MLKL: variants seen among roughly 807,000 people sequenced by gnomAD.
The protein encoded by MLKL is mixed lineage kinase domain-like protein.
MLKL carries 55 observed loss-of-function variants against 56.5 expected under a neutral mutation model. The ratio of observed to expected loss-of-function variants is 0.97; its 90% CI spans 0.78 to 1.22. The LOEUF is 1.22. MLKL is among the 50% of genes most tolerant of loss of function. The probability of loss-of-function intolerance (pLI) is 0.00; values close to 1 mark genes in which losing one functional copy is unlikely to be tolerated. For missense variants in MLKL, 694 were observed against 573.9 expected (o/e 1.21, Z -2.14); for synonymous variants, 251 against 208.3 (o/e 1.20, Z -1.76).
At chr16:74,681,200 A>G (rs1778745214) in intron 6 of MLKL, among the ~76,000 whole-genome samples, 2 of 151,766 alleles carry the variant, frequency 1.3e-5, no homozygotes, top group Non-Finnish European at 2.9e-5. Flanking sequence ...TAATTTCTGT[A>G]TTTTTAGTAA....
chr16:74,688,731 A>T (rs536983777), intron 4 of MLKL, among the ~76,000 whole-genome samples: 16 of 152,154 alleles, frequency 1.1e-4, no homozygotes, highest in African/African-American at 3.9e-4. Context: ...CAAAACAAAA[A>T]ACCCCCAAAA....
At chr16:74,690,854 G>A (rs1261194111) in intron 4 of MLKL, among the ~76,000 whole-genome samples, 1 of 148,654 alleles carries the variant, frequency 6.7e-6, no homozygotes, top group East Asian at 2.0e-4. Flanking sequence ...CAGAAATTAA[G>A]GAGTCCAGAT....
chr16:74,675,806 G>C, intron 7 of MLKL, 42 bp from the exon 8 acceptor site: 1 of 1,602,782 alleles, frequency 6.2e-7, no homozygotes, highest in Non-Finnish European at 8.5e-7. Flanking sequence ...GCAAGATCTT[G>C]GGTAGAGGAG....
intron 5 of MLKL, among the ~76,000 whole-genome samples, chr16:74,684,269 A>T (rs985638264): frequency 6.6e-6 from 1 of 151,652 alleles, no homozygotes; most frequent in African/African-American, 2.4e-5. Context: ...TTAGATTGGG[A>T]TTCCACACTC....
chr16:74,672,428 A>G lies in MLKL; in HGVS notation c.*76T>C. 7.3e-7 allele frequency: 1 copy of G among 1,366,666 alleles called. No homozygotes were observed. Among genetic ancestry groups the G allele is most frequent in the Non-Finnish European group, 1.0e-6 (1 of 959,010 alleles). 84.7% of individuals were successfully genotyped at this position (1,366,666 alleles called of 1,614,324 possible). On this transcript the variant is annotated 3_prime_UTR_variant, in exon 11 of 11. Transcript: ENST00000308807. Reference sequence around the variant, plus strand: ...CATAGATAACCCAATGCCGAAGGATATGAGAGAGAGAGATGTCCAGTTTGT... The same window carrying G: ...CATAGATAACCCAATGCCGAAGGATGTGAGAGAGAGAGATGTCCAGTTTGT...
chr16:74,678,785 A>G (rs968542672), intron 7 of MLKL, 114 bp downstream of exon 7: 9 of 730,584 alleles, frequency 1.2e-5, no homozygotes, highest in Non-Finnish European at 1.8e-5. Flanking sequence ...CTGTCTCTAA[A>G]TAAATAAATA....
chr16:74,674,937 C>T (rs1165593963), intron 10 of MLKL, 23 bp downstream of exon 10: 3 of 1,609,192 alleles, frequency 1.9e-6, no homozygotes, highest in Non-Finnish European at 1.7e-6. Flanking sequence ...GGCTCACGCT[C>T]TTTACACCAG....
rs140736873 is a variant in MLKL at position 74,672,766 on chromosome 16, T to A, written c.1382-228A>T. ...AGGAGGGGGTAAACTCACATCTTAG[T>A]ATGAATTACTCTCTGGTGTTAGATT... On this transcript the variant is annotated intron_variant, in intron 10 of 10. Transcript: ENST00000308807. Among the ~76,000 whole-genome samples the A allele has an allele frequency of 2.0e-5, 3 of 152,266 alleles. No homozygotes were observed. In the East Asian group the frequency reaches 5.8e-4, roughly 29 times the overall value.
intron 2 of MLKL, among the ~76,000 whole-genome samples, 168 bp from the exon 3 acceptor site, chr16:74,692,584 A>G (rs1960741126): frequency 6.6e-6 from 1 of 152,258 alleles, no homozygotes; most frequent in Non-Finnish European, 1.5e-5. Flanking sequence ...TTCTGAGCAC[A>G]TAGGAAATGC....
At chr16:74,682,179 C>T (rs1326505728) in intron 6 of MLKL, among the ~76,000 whole-genome samples, 3 of 151,976 alleles carry the variant, frequency 2.0e-5, no homozygotes, top group African/African-American at 4.8e-5. Flanking sequence ...CCCTTCAGCT[C>T]GGGAGGTTAA....
chr16:74,684,431 G>A (rs112748118), intron 5 of MLKL, among the ~76,000 whole-genome samples: 3,682 of 112,008 alleles, frequency 0.033, no homozygotes, highest in Middle Eastern at 0.042. Context: ...GGGAAAAAAA[G>A]AAAAAAAAAA....
At chr16:74,673,661 G>A (rs915075521) in intron 10 of MLKL, among the ~76,000 whole-genome samples, 2 of 151,992 alleles carry the variant, frequency 1.3e-5, no homozygotes, top group Non-Finnish European at 2.9e-5. Flanking sequence ...AGTCTGCATC[G>A]AGGAAATAAT....
In MLKL at chr16:74,696,833, C is replaced by T. The variant is rs1484987975; in HGVS notation, c.-2-1074G>A. ...ATTAGCTAGGTGTGGTGGTGCATGC[C>T]TGTAATCCCAGCTACTCGGAGGGCT... On this transcript the variant is annotated intron_variant, in intron 1 of 10. Transcript: ENST00000308807. Among the ~76,000 whole-genome samples, 3 of 150,122 alleles carry T rather than the reference C, an allele frequency of 2.0e-5. No individual in the cohort carries two copies. The East Asian group carries it at 5.8e-4, about 29-fold the overall frequency.
At chr16:74,673,178 C>T (rs929641872) in intron 10 of MLKL, among the ~76,000 whole-genome samples, 2 of 152,124 alleles carry the variant, frequency 1.3e-5, no homozygotes, top group African/African-American at 4.8e-5. Context: ...TGGAAGCTGC[C>T]TCAAAAGTCT....
chr16:74,676,008 G>A (rs949788385), intron 7 of MLKL: 2 of 494,878 alleles, frequency 4.0e-6, no homozygotes, highest in Admixed American at 7.5e-5. Context: ...GATGACAGGG[G>A]GGATTACTTG....
chr16:74,675,232 C>T, intron 9 of MLKL, 123 bp downstream of exon 9: 4 of 1,557,894 alleles, frequency 2.6e-6, no homozygotes, highest in Middle Eastern at 1.8e-4. Context: ...ATTCCACTGA[C>T]CAGCCCAGGC....
At chr16:74,691,002 C>T (rs933444792) in intron 4 of MLKL, among the ~76,000 whole-genome samples, 13 of 151,268 alleles carry the variant, frequency 8.6e-5, no homozygotes, top group Non-Finnish European at 1.3e-4. Context: ...ACTAGAACTA[C>T]TGTCTGTGGA....
At chr16:74,691,246 A>G (rs1192599928) in intron 4 of MLKL, 31 bp downstream of exon 4, 2 of 1,568,328 alleles carry the variant, frequency 1.3e-6, no homozygotes, top group East Asian at 4.5e-5. Flanking sequence ...AAGTATTGGT[A>G]CACACGAGAG....
intron 4 of MLKL, 110 bp downstream of exon 4, chr16:74,691,167 C>T (rs1960648064): frequency 2.0e-6 from 2 of 991,476 alleles, no homozygotes; most frequent in East Asian, 2.5e-5. Context: ...CATAATTTAA[C>T]CCTTTAGGGC....
Sources: allele counts gnomAD v4.1 joint callset (sites outside exome capture counted in the v4.1 genomes callset), GRCh38; gene constraint gnomAD v4.1.1; transcripts MANE v1.5; gene names NCBI Gene and HGNC (gene_info 2026-07-23, HGNC 2026-07-21).